The following DOCK8 variants were observed in gnomAD, a reference collection of about 807,000 sequenced individuals.
DOCK8 encodes the protein dedicator of cytokinesis 8, also known as dedicator of cytokinesis protein 8.
DOCK8 carries 141 observed loss-of-function variants against 245.6 expected under a neutral mutation model. The observed-to-expected ratio is 0.57, with a 90% CI of 0.50 to 0.66. The LOEUF is 0.66. Ranked by LOEUF, DOCK8 falls within the 30% of genes least tolerant of loss-of-function variation. The pLI, the probability that DOCK8 is intolerant of heterozygous loss-of-function variation, is 0.00. For synonymous variants in DOCK8, 1,168 were observed against 970.2 expected (o/e 1.20, Z -3.79); for missense variants, 2,965 against 2,603.4 (o/e 1.14, Z -3.02).
intron 18 of DOCK8, 89 bp from the exon 19 acceptor site, chr9:376,121 A>G: frequency 2.2e-6 from 2 of 914,658 alleles, no homozygotes; most frequent in Non-Finnish European, 3.7e-6. Context: ...TATAACCCTG[A>G]CATTTCCAGT....
chr9:449,951 C>T, intron 45 of DOCK8, 24 bp downstream of exon 45: 1 of 1,613,048 alleles, frequency 6.2e-7, no homozygotes, highest in Non-Finnish European at 8.5e-7. Flanking sequence ...GAGGTGGCAG[C>T]TCCTCTGGTT....
At chr9:361,176 G>C (rs923288058) in intron 14 of DOCK8, among the ~76,000 whole-genome samples, 4 of 152,050 alleles carry the variant, frequency 2.6e-5, no homozygotes, top group Admixed American at 2.0e-4. Flanking sequence ...TCCAAAAAAA[G>C]AGGCTGTGAC....
intron 14 of DOCK8, among the ~76,000 whole-genome samples, chr9:358,901 C>T (rs2052582288): frequency 6.6e-6 from 1 of 152,174 alleles, no homozygotes; most frequent in African/African-American, 2.4e-5. Context: ...AGCTGCCTAG[C>T]AGCCAAGCAA....
At chr9:306,047 C>A (rs1263288078) in intron 5 of DOCK8, among the ~76,000 whole-genome samples, 1 of 152,116 alleles carries the variant, frequency 6.6e-6, no homozygotes, top group East Asian at 1.9e-4. Context: ...GTGTTTAACA[C>A]TACTGAGCTG....
At chr9:292,860 G>A (rs1354200010) in intron 4 of DOCK8, among the ~76,000 whole-genome samples, 1 of 151,772 alleles carries the variant, frequency 6.6e-6, no homozygotes, top group Non-Finnish European at 1.5e-5. Flanking sequence ...TAAGAGTATG[G>A]GATTAAAGCA....
intron 10 of DOCK8, 103 bp downstream of exon 10, chr9:332,581 C>G (rs1339289188): frequency 1.3e-6 from 1 of 773,466 alleles, no homozygotes; most frequent in Non-Finnish European, 2.3e-6. Context: ...CTAATGTGTC[C>G]CTATATAAGA....
At position 344,958 on chromosome 9, in the gene DOCK8, G is replaced by A. The variant is rs553893546; in HGVS notation, c.1679+4637G>A. On this transcript the variant is annotated intron_variant, in intron 14 of 47. Coordinates refer to ENST00000432829, the MANE Select transcript of DOCK8 (RefSeq NM_203447.4). The stretch of plus-strand genomic sequence containing the variant: ...TCCCAGCTACTCAGGAGGCTGAGGC[G>A]GGAGAATCGCTTGAACCCAGGAGGC... Among the ~76,000 whole-genome samples, 240 of 152,144 alleles carry A rather than the reference G, an allele frequency of 1.6e-3. 1 individual carries two copies. The highest frequency in any genetic ancestry group is 4.8e-3 in the African/African-American group (198 of 41,520).
At chr9:443,348 A>C in intron 42 of DOCK8, 79 bp from the exon 43 acceptor site, 1 of 1,405,206 alleles carries the variant, frequency 7.1e-7, no homozygotes, top group Non-Finnish European at 1.0e-6. Flanking sequence ...CTTGCTCCAA[A>C]CTTATTTCAC....
At chr9:219,461 C>T (rs1587603596) in intron 1 of DOCK8, among the ~76,000 whole-genome samples, 1 of 151,982 alleles carries the variant, frequency 6.6e-6, no homozygotes, top group South Asian at 2.1e-4. Context: ...CAGAGTGACA[C>T]TCTGTTTCAA....
At chr9:268,028 G>T (rs148708336) in intron 1 of DOCK8, 1 of 152,332 alleles carries the variant, frequency 6.6e-6, no homozygotes, top group African/African-American at 2.4e-5. Context: ...CCCACCAGGG[G>T]TGTGAGGCAT....
chr9:426,188 T>G (rs749978334), intron 33 of DOCK8, among the ~76,000 whole-genome samples: 39 of 152,180 alleles, frequency 2.6e-4, no homozygotes, highest in Non-Finnish European at 5.0e-4. Flanking sequence ...CCATTCTGAT[T>G]CCTTAAAGTG....
intron 29 of DOCK8, 106 bp downstream of exon 29, chr9:415,057 A>T: frequency 6.7e-7 from 1 of 1,496,816 alleles, no homozygotes; most frequent in Non-Finnish European, 9.2e-7. Flanking sequence ...TGTTCATATG[A>T]GCAATTCTTC....
At chr9:288,545 G>T (rs187126307) in intron 3 of DOCK8, among the ~76,000 whole-genome samples, 2 of 152,218 alleles carry the variant, frequency 1.3e-5, no homozygotes, top group Admixed American at 6.5e-5. Flanking sequence ...TGCTACCTAA[G>T]TGTAAACTAT....
At chr9:330,087 GA>G (rs2050940775) in intron 9 of DOCK8, among the ~76,000 whole-genome samples, 2 of 152,070 alleles carry the variant, frequency 1.3e-5, no homozygotes, top group African/African-American at 2.4e-5. Context: ...TTCCCAGGCC[GA>G]ACATCAGGGT....
Position 304,800 on chromosome 9 carries a change from T to C in DOCK8, c.528+96T>C, listed in dbSNP as rs145403601. On this transcript the variant is annotated intron_variant, in intron 5 of 47. Coordinates refer to ENST00000432829, the MANE Select transcript of DOCK8 (RefSeq NM_203447.4). ...CAAACTAGAATAAACGATAGACGCA[T>C]AGAAAGTTTGAGTAGGAGGAACTTT... The C allele has an allele frequency of 1.2e-3, 1,832 of 1,568,326 alleles. 11 individuals carry two copies. The Middle Eastern group carries it at 0.024, about 20-fold the overall frequency.
At position 446,310 on chromosome 9, in the gene DOCK8, G is replaced by T. The variant is rs542609572; in HGVS notation, c.5581-60G>T. The T allele has an allele frequency of 7.0e-6, 10 of 1,433,988 alleles. No individual in the cohort carries two copies. In the African/African-American group the frequency reaches 1.1e-4, roughly 16 times the overall value. 88.8% of individuals were successfully genotyped at this position (1,433,988 alleles called of 1,614,324 possible). A position where few individuals can be genotyped will look rare whatever the true frequency, so the allele number is the denominator to read the frequency against. On this transcript the variant is annotated intron_variant, in intron 43 of 47. Transcript: ENST00000432829. The stretch of plus-strand genomic sequence containing the variant: ...GTGTTCCTGCATGCCCCTCCATTGC[G>T]TCAGGGATGGCCGTTTGCAGAATAG...
intron 18 of DOCK8, among the ~76,000 whole-genome samples, chr9:372,830 G>A (rs1402772519): frequency 6.6e-6 from 1 of 152,202 alleles, no homozygotes; most frequent in Admixed American, 6.5e-5. Context: ...AGGATTTCAA[G>A]ACCAGCCTGG....
intron 5 of DOCK8, among the ~76,000 whole-genome samples, chr9:309,511 C>CATTTTTTGTAACATAT (rs1453210473): frequency 6.6e-6 from 1 of 152,160 alleles, no homozygotes; most frequent in Non-Finnish European, 1.5e-5. Context: ...TAGTTGATTA[C>CATTTTTTGTAACATAT]AGTTATACAT....
At chr9:242,745 A>G (rs931150949) in intron 1 of DOCK8, among the ~76,000 whole-genome samples, 4 of 151,578 alleles carry the variant, frequency 2.6e-5, no homozygotes, top group African/African-American at 9.7e-5. Flanking sequence ...GCCACCAACG[A>G]GTCAAAACTT....
Sources: gnomAD v4.1 joint callset for allele counts (sites outside exome capture counted in the v4.1 genomes callset) on GRCh38, gnomAD v4.1.1 for gene constraint, MANE v1.5 for transcripts, NCBI Gene and HGNC (gene_info 2026-07-23, HGNC 2026-07-21) for gene names.